Variants in SCOC observed in about 807,000 individuals in gnomAD.
The protein encoded by SCOC is short coiled-coil protein.
A neutral mutation model predicts 9.9 loss-of-function variants in SCOC; 7 were observed. The ratio of observed to expected loss-of-function variants is 0.71; its 90% CI spans 0.40 to 1.33. The LOEUF (loss-of-function observed/expected upper bound fraction) is 1.33. Ranked by LOEUF, SCOC falls within the 40% of genes most tolerant of loss-of-function variation. SCOC has a pLI of 0.01. For synonymous variants in SCOC, 19 were observed against 28.2 expected (o/e 0.67, Z 1.03); for missense variants, 66 against 89.7 (o/e 0.74, Z 1.07).
At chr4:140,350,442 G>T (rs931833246) in intron 2 of SCOC, among the ~76,000 whole-genome samples, 4 of 152,248 alleles carry the variant, frequency 2.6e-5, no homozygotes, top group Non-Finnish European at 5.9e-5. Flanking sequence ...CCCTAGCTGA[G>T]AGTTGACTCC....
At chr4:140,262,697 G>T (rs1481422004) in intron 1 of SCOC, among the ~76,000 whole-genome samples, 1 of 152,152 alleles carries the variant, frequency 6.6e-6, no homozygotes, top group Non-Finnish European at 1.5e-5. Context: ...AAGAAAAGAG[G>T]TTTAATTGAC....
chr4:140,335,087 A>T (rs1732921822), intron 1 of SCOC, among the ~76,000 whole-genome samples: 1 of 152,210 alleles, frequency 6.6e-6, no homozygotes, highest in South Asian at 2.1e-4. Flanking sequence ...ATTTCCTAAT[A>T]TTTCCTTTTT....
chr4:140,313,791 G>A (rs943029453), intron 1 of SCOC, among the ~76,000 whole-genome samples: 8 of 149,000 alleles, frequency 5.4e-5, no homozygotes, highest in Non-Finnish European at 1.0e-4. Flanking sequence ...ATTCAGTCCT[G>A]TTTTTTTTTT....
intron 3 of SCOC, among the ~76,000 whole-genome samples, chr4:140,380,570 A>T (rs189175562): frequency 2.0e-5 from 3 of 152,248 alleles, no homozygotes; most frequent in African/African-American, 7.2e-5. Flanking sequence ...ATACAAGATG[A>T]TAAGTTGCTT....
At chr4:140,374,348 C>T (rs948947444) in intron 1 of SCOC, 13 of 350,620 alleles carry the variant, frequency 3.7e-5, no homozygotes, top group African/African-American at 1.9e-4. Context: ...GTGTCAACCT[C>T]ACACTATTAC....
At chr4:140,344,764 T>C (rs1055912360) in intron 2 of SCOC, among the ~76,000 whole-genome samples, 3 of 152,136 alleles carry the variant, frequency 2.0e-5, no homozygotes, top group African/African-American at 7.2e-5. Context: ...CAGAAGGCAG[T>C]GAAGGAAACA....
At chr4:140,355,472 C>A (rs991924322) in intron 2 of SCOC, among the ~76,000 whole-genome samples, 4 of 152,028 alleles carry the variant, frequency 2.6e-5, no homozygotes, top group African/African-American at 9.7e-5. Flanking sequence ...TTGCACAATG[C>A]AGAGCTGGGA....
At chr4:140,259,462 A>C (rs567421492) in intron 1 of SCOC, among the ~76,000 whole-genome samples, 1 of 152,314 alleles carries the variant, frequency 6.6e-6, no homozygotes, top group South Asian at 2.1e-4. Context: ...AATCTTTTAA[A>C]AGTACTACTT....
At chr4:140,363,148 G>C (rs1727644678) in intron 2 of SCOC, among the ~76,000 whole-genome samples, 1 of 152,198 alleles carries the variant, frequency 6.6e-6, no homozygotes, top group African/African-American at 2.4e-5. Context: ...CCTCATCCCT[G>C]TGGGACTTGG....
At chr4:140,370,521 T>C (rs1394397237), upstream of SCOC, among the ~76,000 whole-genome samples, 1 of 152,204 alleles carries the variant, frequency 6.6e-6, no homozygotes, top group African/African-American at 2.4e-5. Flanking sequence ...GTGTGGTCTG[T>C]TCACTAGAAT....
chr4:140,353,800 T>C (rs909311587), intron 2 of SCOC, among the ~76,000 whole-genome samples: 4 of 152,226 alleles, frequency 2.6e-5, no homozygotes, highest in African/African-American at 9.6e-5. Flanking sequence ...GCCTTTCTGT[T>C]ACAGTGACCT....
chr4:140,315,899 G>A (rs886299441), intron 1 of SCOC, among the ~76,000 whole-genome samples: 2 of 151,980 alleles, frequency 1.3e-5, no homozygotes, highest in African/African-American at 2.4e-5. Context: ...GGCCCAACAT[G>A]TACTGTAGCA....
At chr4:140,315,326 C>G (rs1417092950) in intron 1 of SCOC, among the ~76,000 whole-genome samples, 1 of 152,162 alleles carries the variant, frequency 6.6e-6, no homozygotes, top group Non-Finnish European at 1.5e-5. Context: ...ATTCTTTAGG[C>G]TCTGCACTGA....
chr4:140,294,268 A>G (rs1012813627), intron 1 of SCOC, among the ~76,000 whole-genome samples: 9 of 152,220 alleles, frequency 5.9e-5, no homozygotes, highest in Admixed American at 1.3e-4. Context: ...AGAATAAGGT[A>G]GTGTCACTAC....
intron 1 of SCOC, among the ~76,000 whole-genome samples, chr4:140,286,136 A>G (rs550063884): frequency 2.6e-5 from 4 of 151,854 alleles, no homozygotes; most frequent in Non-Finnish European, 5.9e-5. Flanking sequence ...GTGAGCCAAG[A>G]TTGAGCCACT....
intron 1 of SCOC, among the ~76,000 whole-genome samples, chr4:140,321,201 G>A (rs1410546427): frequency 6.6e-6 from 1 of 152,140 alleles, no homozygotes; most frequent in Admixed American, 6.6e-5. Context: ...AAGTCTAGCA[G>A]AAGGAAAGGC....
chr4:140,366,825 C>T, intron 2 of SCOC: 1 of 958,972 alleles, frequency 1.0e-6, no homozygotes, highest in South Asian at 1.3e-5. Context: ...GGATGTAGCC[C>T]ACACGGCCAA....
chr4:140,316,020 A>G (rs1220744825), intron 1 of SCOC, among the ~76,000 whole-genome samples: 2 of 152,174 alleles, frequency 1.3e-5, no homozygotes, highest in African/African-American at 4.8e-5. Context: ...GGCACCAGAC[A>G]GAAGCTCTAG....
chr4:140,257,534 T>C (rs968379987), intron 1 of SCOC: 3 of 152,228 alleles, frequency 2.0e-5, no homozygotes, highest in Non-Finnish European at 4.4e-5. Context: ...TCTCTGTTCT[T>C]CTTCAGAGTT....
Sources: gnomAD v4.1 joint callset for allele counts (sites outside exome capture counted in the v4.1 genomes callset) on GRCh38, gnomAD v4.1.1 for gene constraint, MANE v1.5 for transcripts, NCBI Gene and HGNC (gene_info 2026-07-23, HGNC 2026-07-21) for gene names.